BORCS8: variants seen among roughly 807,000 people sequenced by gnomAD.
The protein encoded by BORCS8 is BLOC-1-related complex subunit 8.
Under a neutral mutation model 18.7 loss-of-function variants are expected in BORCS8, and 13 were observed. That is an observed-to-expected ratio of 0.70 (90% CI 0.45 to 1.11). The LOEUF (loss-of-function observed/expected upper bound fraction) is 1.11, where lower values mean the gene tolerates loss of function less well. Ranked by LOEUF, BORCS8 falls within the 50% of genes least tolerant of loss-of-function variation. The pLI, the probability that BORCS8 is intolerant of heterozygous loss-of-function variation, is 0.00. For synonymous variants in BORCS8, 68 were observed against 64.8 expected, an observed-to-expected ratio of 1.05 and a Z score of -0.24; for missense variants, 165 against 165.7, an observed-to-expected ratio of 1.00 and a Z score of 0.02.
At chr19:19,186,262 C>T (rs1241306132) in intron 2 of BORCS8, among the ~76,000 whole-genome samples, 164 bp from the exon 3 acceptor site, 1 of 152,230 alleles carries the variant, frequency 6.6e-6, no homozygotes, top group Admixed American at 6.5e-5. Context: ...CTGTGAACAC[C>T]TGGCCACCAT....
In BORCS8 at chr19:19,176,993, A is replaced by G. The variant is rs539; in HGVS notation, c.*510T>C. On this transcript the variant is annotated 3_prime_UTR_variant, in exon 6 of 6. Transcript: ENST00000462790. ...GGTACAGTTGGATCCAGGGCTCCAC[A>G]CAATGTTCTCAGGTCCCCCCGGAAC... 74,827 of 152,000 alleles carry G rather than the reference A, an allele frequency of 0.49. 18,666 individuals carry two copies. The highest frequency in any genetic ancestry group is 0.57 in the East Asian group (2,959 of 5,160). The allele number at this position is 152,000 out of a possible 1,614,324, so 9.4% of individuals were successfully genotyped here.
chr19:19,186,013 C>A, intron 3 of BORCS8, 21 bp downstream of exon 3: 1 of 1,549,284 alleles, frequency 6.5e-7, no homozygotes, highest in South Asian at 1.2e-5. Flanking sequence ...GGCCCTGCAG[C>A]GGGGAGGCTG....
chr19:19,182,551 G>T lies in BORCS8; in HGVS notation c.326+22C>A. 1.3e-6 allele frequency: 2 copies of T among 1,547,054 alleles called. No individual in the cohort carries two copies. Among genetic ancestry groups the T allele is most frequent in the South Asian group, 1.2e-5 (1 of 83,928 alleles). ...CCTTGCAGCTGGGAGTGGCAGTGGGGGCGGGCGGTCCCAGGAGCTACCTGT... is the reference window on the plus strand; with the variant it reads ...CCTTGCAGCTGGGAGTGGCAGTGGGTGCGGGCGGTCCCAGGAGCTACCTGT... On this transcript the variant is annotated intron_variant, in intron 4 of 5. Transcript: ENST00000462790. This position sits in a 1 kb window ranked among gnomAD's most constrained non-coding sequence, Gnocchi z 4.1.
chr19:19,190,418 G>A (rs1477454111), intron 1 of BORCS8, among the ~76,000 whole-genome samples: 2 of 152,234 alleles, frequency 1.3e-5, no homozygotes, highest in African/African-American at 2.4e-5. Flanking sequence ...TCTCACCACT[G>A]TGCCTTGAGT....
At chr19:19,189,026 G>A (rs1362742137) in intron 1 of BORCS8, among the ~76,000 whole-genome samples, 1 of 151,990 alleles carries the variant, frequency 6.6e-6, no homozygotes, top group Non-Finnish European at 1.5e-5. Flanking sequence ...TTTGAGATGG[G>A]GTTTTACCAT....
chr19:19,180,682 T>C lies in BORCS8; in HGVS notation c.*42+4A>G, dbSNP rs2060339446. The C allele has an allele frequency of 6.5e-7, 1 of 1,538,328 alleles. No homozygotes were observed. Among genetic ancestry groups the C allele is most frequent in the African/African-American group, 1.4e-5 (1 of 72,922 alleles). On this transcript the variant is annotated splice_donor_region_variant and intron_variant, in intron 5 of 5. Transcript: ENST00000462790. ...AGAGGCTCGTGGCTACCCTCGGCAC[T>C]GACCTGGGTTGGCGGAGGCTGGGGG...
chr19:19,187,475 T>TAA (rs2060421195), intron 1 of BORCS8, among the ~76,000 whole-genome samples: 1 of 104,016 alleles, frequency 9.6e-6, no homozygotes. Flanking sequence ...AAACTCCATC[T>TAA]CAAAAAAAAA....
At chr19:19,183,851 T>G (rs1243807637) in intron 3 of BORCS8, among the ~76,000 whole-genome samples, 5 of 151,778 alleles carry the variant, frequency 3.3e-5, no homozygotes, top group Admixed American at 3.3e-4. Flanking sequence ...ATTACAGGCG[T>G]GAGCCACTGC....
chr19:19,187,986 G>A (rs10401927), intron 1 of BORCS8, among the ~76,000 whole-genome samples: 1 of 151,810 alleles, frequency 6.6e-6, no homozygotes, highest in Non-Finnish European at 1.5e-5. Context: ...AGAACTACAG[G>A]TGCAAACCAC....
At chr19:19,184,400 G>A (rs1034734963) in intron 3 of BORCS8, among the ~76,000 whole-genome samples, 2 of 149,726 alleles carry the variant, frequency 1.3e-5, no homozygotes, top group Non-Finnish European at 3.0e-5. Flanking sequence ...CCACCTCCCG[G>A]GTTCATGCCA....
rs1216189149 is a variant in BORCS8 at position 19,180,721 on chromosome 19, T to C, written c.*7A>G. ...GGAGGCTGGGGGGCCCCGAGTCTCTTCCAGGATCAGGCTGAGGAGGGCGGG... is the reference window on the plus strand; with the variant it reads ...GGAGGCTGGGGGGCCCCGAGTCTCTCCCAGGATCAGGCTGAGGAGGGCGGG... On this transcript the variant is annotated 3_prime_UTR_variant, in exon 5 of 6. Coordinates refer to ENST00000462790, the MANE Select transcript of BORCS8 (RefSeq NM_001145784.2). 1 of 1,550,514 alleles carries C rather than the reference T, an allele frequency of 6.4e-7. No individual in the cohort carries two copies. Among genetic ancestry groups the C allele is most frequent in the African/African-American group, 1.4e-5 (1 of 73,106 alleles).
intron 5 of BORCS8, chr19:19,178,797 TA>T (rs929479472): frequency 6.6e-6 from 1 of 151,776 alleles, no homozygotes; most frequent in African/African-American, 2.4e-5. Context: ...CCATCTCTAC[TA>T]AAAATACAAA....
chr19:19,183,868 C>A (rs993071186), intron 3 of BORCS8, among the ~76,000 whole-genome samples: 6 of 148,780 alleles, frequency 4.0e-5, no homozygotes, highest in African/African-American at 1.5e-4. Context: ...CTGCGCTCAG[C>A]CTCATTTTGT....
chr19:19,180,645 C>T (rs1310472846), intron 5 of BORCS8, 41 bp downstream of exon 5: 2 of 1,392,532 alleles, frequency 1.4e-6, no homozygotes, highest in Non-Finnish European at 1.0e-6. Flanking sequence ...TTGGTTAGTT[C>T]AGAGCAGAGA....
chr19:19,184,268 A>C (rs1424019942), intron 3 of BORCS8, among the ~76,000 whole-genome samples: 4 of 151,764 alleles, frequency 2.6e-5, no homozygotes, highest in South Asian at 2.1e-4. Flanking sequence ...GAAGCAGAAG[A>C]AAGCATAGGT....
At chr19:19,181,871 A>G in intron 4 of BORCS8, 1 of 985,414 alleles carries the variant, frequency 1.0e-6, no homozygotes, top group Non-Finnish European at 1.2e-6. Context: ...CTCCTGGCAC[A>G]TGAGTGTGTG....
At chr19:19,187,236 G>A (rs1486170365) in intron 1 of BORCS8, among the ~76,000 whole-genome samples, 1 of 152,150 alleles carries the variant, frequency 6.6e-6, no homozygotes, top group Non-Finnish European at 1.5e-5. Flanking sequence ...TAGCACTTTG[G>A]AGGCTGAGGT....
rs75503282 is a variant in BORCS8 at position 19,180,375 on chromosome 19, G to A, written c.*42+311C>T. ...GCTGCTGGCACGTGGTAGGATAGAG[G>A]AAATGTGGGCTCCCTTCTCTGTCTT... On this transcript the variant is annotated intron_variant, in intron 5 of 5. Coordinates refer to ENST00000462790, the MANE Select transcript of BORCS8 (RefSeq NM_001145784.2). 842 of 422,328 alleles carry A rather than the reference G, an allele frequency of 2.0e-3. 7 individuals carry two copies. Among genetic ancestry groups the A allele is most frequent in the African/African-American group, 0.017 (805 of 48,078 alleles). The allele number at this position is 422,328 out of a possible 1,614,324, so 26.2% of individuals were successfully genotyped here. A position where few individuals can be genotyped will look rare whatever the true frequency, so the allele number is the denominator to read the frequency against.
chr19:19,184,133 G>A (rs1050126778), intron 3 of BORCS8, among the ~76,000 whole-genome samples: 1 of 151,550 alleles, frequency 6.6e-6, no homozygotes, highest in Non-Finnish European at 1.5e-5. Flanking sequence ...TGCCCACCTC[G>A]GCCTCCCAAA....
Sources: allele counts gnomAD v4.1 joint callset (sites outside exome capture counted in the v4.1 genomes callset), GRCh38; gene constraint gnomAD v4.1.1; non-coding constraint Gnocchi (gnomAD v3.1); transcripts MANE v1.5; gene names NCBI Gene and HGNC (gene_info 2026-07-23, HGNC 2026-07-21).